Variants in VWDE observed in about 807,000 individuals in gnomAD.
VWDE encodes the protein von Willebrand factor D and EGF domain-containing protein.
A neutral mutation model predicts 178.4 loss-of-function variants in VWDE; 207 were observed. The observed-to-expected ratio is 1.16, with a 90% confidence interval of 1.04 to 1.30. The LOEUF (loss-of-function observed/expected upper bound fraction) is 1.30, where lower values mean the gene tolerates loss of function less well. Among genes scored for constraint, VWDE ranks in the 50% most tolerant of loss-of-function variants. The probability of loss-of-function intolerance (pLI) is 0.00; values close to 1 mark genes in which losing one functional copy is unlikely to be tolerated. For synonymous variants in VWDE, 738 were observed against 651.4 expected (o/e 1.13, Z -2.02); for missense variants, 2,287 against 1,901.3 (o/e 1.20, Z -3.77).
intron 23 of VWDE, among the ~76,000 whole-genome samples, chr7:12,341,681 A>G (rs1781340200): frequency 1.3e-5 from 2 of 152,174 alleles, no homozygotes; most frequent in African/African-American, 4.8e-5. Context: ...AATAACATGA[A>G]GGGTATCCAC....
At position 12,336,245 on chromosome 7, in the gene VWDE, C is replaced by T. The variant is rs565035253; in HGVS notation, c.4559-9G>A. ...TTTCTGCAAGCAGATAGCTGCCAATCGAAATATAAACAAGTTAAAATTTTA... is the reference window on the plus strand; with the variant it reads ...TTTCTGCAAGCAGATAGCTGCCAATTGAAATATAAACAAGTTAAAATTTTA... On this transcript the variant is annotated splice_polypyrimidine_tract_variant and intron_variant, in intron 26 of 28. Coordinates refer to ENST00000275358, the MANE Select transcript of VWDE (RefSeq NM_001135924.3). The T allele has an allele frequency of 2.2e-5, 34 of 1,549,456 alleles. No homozygotes were observed. The highest frequency in any genetic ancestry group is 2.9e-5 in the Non-Finnish European group (33 of 1,146,022).
chr7:12,400,989 A>G (rs118030912), intron 1 of VWDE, among the ~76,000 whole-genome samples: 154 of 152,306 alleles, frequency 1.0e-3, no homozygotes, highest in Non-Finnish European at 1.9e-3. Flanking sequence ...ACACAGGGAA[A>G]GCATTTTTAA....
At chr7:12,340,705 C>T (rs1404055182) in intron 23 of VWDE, among the ~76,000 whole-genome samples, 1 of 152,144 alleles carries the variant, frequency 6.6e-6, no homozygotes, top group African/African-American at 2.4e-5. Flanking sequence ...GGTGCTCCTG[C>T]TCTATCAAGA....
At chr7:12,340,995 C>G (rs1159494903) in intron 23 of VWDE, among the ~76,000 whole-genome samples, 1 of 152,136 alleles carries the variant, frequency 6.6e-6, no homozygotes, top group Non-Finnish European at 1.5e-5. Context: ...AGATCCTACC[C>G]ATTCACCAAC....
chr7:12,336,052 C>G, intron 27 of VWDE, 89 bp downstream of exon 27: 1 of 1,180,358 alleles, frequency 8.5e-7, no homozygotes. Context: ...TTTTTTCCCC[C>G]TTATGGACTT....
intron 24 of VWDE, 38 bp downstream of exon 24, chr7:12,340,284 C>A: frequency 6.8e-7 from 1 of 1,463,122 alleles, no homozygotes. Flanking sequence ...ATCTAACTTT[C>A]CATTTGCCCT....
In VWDE at chr7:12,340,419, T is replaced by TAATA; in HGVS notation, c.4271-6_4271-3dup. On this transcript the variant is annotated splice_polypyrimidine_tract_variant and splice_region_variant and intron_variant, in intron 23 of 28. Coordinates refer to ENST00000275358, the MANE Select transcript of VWDE (RefSeq NM_001135924.3). ...TGAGGCAGACAGGGTCGCACAAAGC[T>TAATA]AATAAACAGCAGGAGGAAAAGAGAA... 1 of 1,547,614 alleles carries TAATA rather than the reference T, an allele frequency of 6.5e-7. No individual in the cohort carries two copies. Among genetic ancestry groups the TAATA allele is most frequent in the Non-Finnish European group, 8.7e-7 (1 of 1,144,628 alleles).
At chr7:12,397,771 C>G (rs1038734476) in intron 1 of VWDE, among the ~76,000 whole-genome samples, 2 of 152,110 alleles carry the variant, frequency 1.3e-5, no homozygotes, top group Non-Finnish European at 2.9e-5. Context: ...AGATGCCTCT[C>G]AAAAGATGAC....
At chr7:12,380,791 T>C in intron 4 of VWDE, 58 bp from the exon 5 acceptor site, 5 of 1,526,502 alleles carry the variant, frequency 3.3e-6, no homozygotes, top group Non-Finnish European at 4.4e-6. Context: ...GACTGGCTTA[T>C]GGAAAAAGCA....
At chr7:12,340,243 T>G in intron 24 of VWDE, 79 bp downstream of exon 24, 1 of 1,122,830 alleles carries the variant, frequency 8.9e-7, no homozygotes, top group South Asian at 1.6e-5. Flanking sequence ...CCTTTGAAAC[T>G]TGTCTCATGT....
At chr7:12,374,801 A>G in intron 8 of VWDE, 39 bp from the exon 9 acceptor site, 1 of 1,334,530 alleles carries the variant, frequency 7.5e-7, no homozygotes, top group Non-Finnish European at 1.0e-6. Context: ...ATTACCATTA[A>G]TTATATTTAG....
At chr7:12,386,831 T>C (rs1784120714) in intron 3 of VWDE, among the ~76,000 whole-genome samples, 1 of 152,228 alleles carries the variant, frequency 6.6e-6, no homozygotes, top group Non-Finnish European at 1.5e-5. Flanking sequence ...CTGTGCCATG[T>C]GGGCAGGGAC....
Position 12,369,659 on chromosome 7 carries a change from C to T in VWDE, c.2647G>A (p.Asp883Asn). The T allele has an allele frequency of 2.6e-6, 4 of 1,551,686 alleles. No homozygotes were observed. The highest frequency in any genetic ancestry group is 3.3e-4 in the Middle Eastern group (2 of 5,988). Residue 883 changes from aspartate to asparagine, a missense_variant, in exon 12 of 29, where the codon GAC becomes AAC. Coordinates refer to ENST00000275358, the MANE Select transcript of VWDE (RefSeq NM_001135924.3). The part of the protein sequence containing the change: ...NTEEYGTSIE[D>N]ILSVLKCPNL... ...GGGCATTTTAATACTGAGAGAATGT[C>T]TTCAATTGATGTGCCATACTCTTCT...
At chr7:12,393,825 G>T in intron 1 of VWDE, 47 bp from the exon 2 acceptor site, 1 of 1,438,642 alleles carries the variant, frequency 7.0e-7, no homozygotes, top group South Asian at 1.5e-5. Context: ...TTTGTTTGTT[G>T]ACATAGTTCG....
rs1371763630 is a variant in VWDE, at chr7:12,373,104, C to T, written c.1460G>A (p.Gly487Asp). The T allele has an allele frequency of 6.4e-7, 1 of 1,551,174 alleles. No homozygotes were observed. Among genetic ancestry groups the T allele is most frequent in the Non-Finnish European group, 8.7e-7 (1 of 1,146,774 alleles). ...CNCGFVAQEGGDIVTFDMCNG... is the reference protein window; with the variant it reads ...CNCGFVAQEGDDIVTFDMCNG... ...GCACATATCAAAAGTAACTATATCACCTCCTTCCTGGGCAACAAACCCACA... is the reference window on the plus strand; with the variant it reads ...GCACATATCAAAAGTAACTATATCATCTCCTTCCTGGGCAACAAACCCACA... The change falls in exon 10 of 29, where the codon GGT (glycine) becomes GAT (aspartate). Residue 487 changes from glycine to aspartate, a missense_variant. Physicochemically the swap from Gly to Asp is moderately conservative, Grantham distance 94. Coordinates refer to ENST00000275358, the MANE Select transcript of VWDE (RefSeq NM_001135924.3).
chr7:12,334,574 T>C lies in VWDE; in HGVS notation c.4655-1006A>G, dbSNP rs1780912224. On this transcript the variant is annotated intron_variant, in intron 27 of 28. Transcript: ENST00000275358. ...TAGATTTGAATTTTTATTACAACAATTTTCCAACAGATGGTAGTAACATAT... is the reference window on the plus strand; with the variant it reads ...TAGATTTGAATTTTTATTACAACAACTTTCCAACAGATGGTAGTAACATAT... Among the ~76,000 whole-genome samples, 5 of 152,342 alleles carry C rather than the reference T, an allele frequency of 3.3e-5. No individual in the cohort carries two copies. The South Asian group carries it at 1.0e-3, about 32-fold the overall frequency.
In VWDE at chr7:12,344,527, C is replaced by T. The variant is rs1781501845; in HGVS notation, c.3887-58G>A. On this transcript the variant is annotated intron_variant, in intron 19 of 28. Coordinates refer to ENST00000275358, the MANE Select transcript of VWDE (RefSeq NM_001135924.3). Reference sequence around the variant, plus strand: ...GCTAAAACAGAACATACATATTGCTCAGAGACTTAGTTATGATAGAAGCAA... The same window carrying T: ...GCTAAAACAGAACATACATATTGCTTAGAGACTTAGTTATGATAGAAGCAA... 5.2e-6 allele frequency: 7 copies of T among 1,348,504 alleles called. No individual in the cohort carries two copies. In the Middle Eastern group the frequency reaches 6.2e-4, roughly 120 times the overall value. 83.5% of individuals were successfully genotyped at this position (1,348,504 alleles called of 1,614,324 possible). A position where few individuals can be genotyped will look rare whatever the true frequency, so the allele number is the denominator to read the frequency against.
intron 28 of VWDE, among the ~76,000 whole-genome samples, chr7:12,331,985 A>G (rs767902165): frequency 6.6e-5 from 10 of 152,038 alleles, no homozygotes; most frequent in Admixed American, 1.3e-4. Flanking sequence ...TTTACCCACT[A>G]TCTCAGGTTG....
intron 19 of VWDE, among the ~76,000 whole-genome samples, chr7:12,349,317 C>T (rs1781798605): frequency 6.7e-6 from 1 of 149,628 alleles, no homozygotes; most frequent in Non-Finnish European, 1.5e-5. Context: ...TACATAATTG[C>T]CATTCATCTG....
Sources: gnomAD v4.1 joint callset for allele counts (sites outside exome capture counted in the v4.1 genomes callset) on GRCh38, gnomAD v4.1.1 for gene constraint, MANE v1.5 for transcripts, NCBI Gene and HGNC (gene_info 2026-07-23, HGNC 2026-07-21) for gene names.